The following FRMPD4 variants were observed in gnomAD, a reference collection of about 807,000 sequenced individuals.
FRMPD4 encodes the protein FERM and PDZ domain containing 4.
FRMPD4 carries 22 observed loss-of-function variants against 94.1 expected under a neutral mutation model. The ratio of observed to expected loss-of-function variants is 0.23; its 90% confidence interval spans 0.17 to 0.33. FRMPD4 has a LOEUF of 0.33. Ranked by LOEUF, FRMPD4 falls within the 10% of genes least tolerant of loss-of-function variation. The pLI, the probability that FRMPD4 is intolerant of heterozygous loss-of-function variation, is 1.00. For missense variants in FRMPD4, 1,111 were observed against 1,339.9 expected (o/e 0.83, Z 2.67); for synonymous variants, 631 against 548.6 (o/e 1.15, Z -2.10).
intron 3 of FRMPD4, among the ~76,000 whole-genome samples, chrX:11,933,397 T>C (rs773226862): frequency 1.8e-5 from 2 of 112,680 alleles, no homozygotes; most frequent in East Asian, 5.5e-4. Flanking sequence ...TTTTGGATTA[T>C]AAGCTATGAG....
intron 1 of FRMPD4, among the ~76,000 whole-genome samples, chrX:12,206,806 A>G (rs2056697507): frequency 8.9e-6 from 1 of 112,341 alleles, no homozygotes; most frequent in South Asian, 3.7e-4. Context: ...ATGTTTATGA[A>G]CAACAAATTA....
At chrX:11,967,761 T>TG (rs1159705019) in intron 3 of FRMPD4, among the ~76,000 whole-genome samples, 44 of 102,037 alleles carry the variant, frequency 4.3e-4, no homozygotes, top group South Asian at 3.3e-3. Context: ...TGTGTGTTTT[T>TG]TTTTTTTTTT....
intron 9 of FRMPD4, among the ~76,000 whole-genome samples, chrX:12,698,358 T>C (rs1404635905): frequency 8.9e-6 from 1 of 111,838 alleles, no homozygotes; most frequent in Non-Finnish European, 1.9e-5. Context: ...ACCTGTCCAC[T>C]ATCTGTTAAG....
At chrX:12,167,365 G>C (rs757590889) in intron 1 of FRMPD4, among the ~76,000 whole-genome samples, 4 of 111,936 alleles carry the variant, frequency 3.6e-5, no homozygotes, top group East Asian at 2.8e-4. Context: ...GAGCAGTTTT[G>C]AGTGAGTTTC....
chrX:12,683,647 A>G, intron 6 of FRMPD4, 60 bp downstream of exon 6: 4 of 596,461 alleles, frequency 6.7e-6, no homozygotes, highest in Non-Finnish European at 1.1e-5. Flanking sequence ...GAAGCTTTGC[A>G]CTCAAAACAA....
Position 12,138,996 on chromosome X carries a change from A to G in FRMPD4, c.25A>G (p.Ile9Val). Residue 9 changes from isoleucine (I) to valine (V), a missense_variant, in exon 1 of 17, where the codon ATT becomes GTT. This residue lies in a region of FRMPD4 where 140 missense variants were observed against 165.9 expected (regional missense o/e 0.84). Transcript: ENST00000675598. ...CATGGATGTCTTCAGCTTTGTGAAGATTGCAAAGCTTTCGAGGTAGGGGCT... is the reference window on the plus strand; with the variant it reads ...CATGGATGTCTTCAGCTTTGTGAAGGTTGCAAAGCTTTCGAGGTAGGGGCT... MDVFSFVKIAKLSSHRTKS... is the reference protein window; with the variant it reads MDVFSFVKVAKLSSHRTKS... 2 of 1,168,806 alleles carry G rather than the reference A, an allele frequency of 1.7e-6. No individual in the cohort carries two copies. The highest frequency in any genetic ancestry group is 1.1e-6 in the Non-Finnish European group (1 of 873,296).
intron 1 of FRMPD4, among the ~76,000 whole-genome samples, chrX:12,483,627 G>A (rs535159120): frequency 3.6e-5 from 4 of 111,462 alleles, no homozygotes; most frequent in East Asian, 5.6e-4. Context: ...CTTTTTGTGT[G>A]CATTAGGGGA....
intron 1 of FRMPD4, among the ~76,000 whole-genome samples, chrX:12,262,498 C>A (rs748202383): frequency 9.0e-6 from 1 of 111,699 alleles, no homozygotes; most frequent in African/African-American, 3.3e-5. Flanking sequence ...CACTTAATTT[C>A]TCTGATATTA....
At chrX:12,498,547 G>C in intron 1 of FRMPD4, 133 bp from the exon 2 acceptor site, 1 of 543,947 alleles carries the variant, frequency 1.8e-6, no homozygotes, top group Non-Finnish European at 3.3e-6. Context: ...ATAATGTGTC[G>C]ATTTTTGTTG....
intron 1 of FRMPD4, among the ~76,000 whole-genome samples, chrX:12,169,725 T>C (rs1418416856): frequency 1.8e-5 from 2 of 112,693 alleles, no homozygotes; most frequent in Non-Finnish European, 3.8e-5. Flanking sequence ...AGTTAACTTT[T>C]TGACTAAGGC....
At chrX:11,922,285 C>T (rs1047200458) in intron 3 of FRMPD4, among the ~76,000 whole-genome samples, 2 of 111,456 alleles carry the variant, frequency 1.8e-5, no homozygotes, top group Non-Finnish European at 3.8e-5. Flanking sequence ...GCAGGCATAT[C>T]ACATGGTCAG....
intron 2 of FRMPD4, among the ~76,000 whole-genome samples, chrX:12,543,361 A>G (rs1440821073): frequency 1.8e-5 from 2 of 112,275 alleles, no homozygotes; most frequent in African/African-American, 6.5e-5. Context: ...GCTAATATCC[A>G]GAATCTACAA....
In FRMPD4 at chrX:12,441,518, C is replaced by G. The variant is rs138445076; in HGVS notation, c.42-57162C>G. Among the ~76,000 whole-genome samples the G allele has an allele frequency of 2.6e-4, 29 of 111,788 alleles. No individual in the cohort carries two copies. In the East Asian group the frequency reaches 7.9e-3, roughly 30 times the overall value. Reference sequence around the variant, plus strand: ...TCCTCTAGTATCACACTCACTCCCCCTCATTCCTGTGGGAGACTCCCAGGA... The same window carrying G: ...TCCTCTAGTATCACACTCACTCCCCGTCATTCCTGTGGGAGACTCCCAGGA... On this transcript the variant is annotated intron_variant, in intron 1 of 16. Coordinates refer to ENST00000675598, the MANE Select transcript of FRMPD4 (RefSeq NM_001368397.1).
At chrX:11,993,386 C>A (rs2054476205) in intron 3 of FRMPD4, among the ~76,000 whole-genome samples, 1 of 111,348 alleles carries the variant, frequency 9.0e-6, no homozygotes, top group African/African-American at 3.3e-5. Context: ...GGCTATCCTA[C>A]ACATTGTGTG....
At chrX:11,825,190 TTGTG>T (rs747320680) in intron 1 of FRMPD4, among the ~76,000 whole-genome samples, 9,300 of 80,054 alleles carry the variant, frequency 0.12, 521 homozygotes, top group African/African-American at 0.17. Flanking sequence ...TGTGTCTTCT[TTGTG>T]TGTGTGTGTG....
intron 3 of FRMPD4, among the ~76,000 whole-genome samples, chrX:12,133,014 C>T (rs954763316): frequency 9.2e-6 from 1 of 109,171 alleles, no homozygotes; most frequent in African/African-American, 3.3e-5. Flanking sequence ...TGGGAATGGT[C>T]CAACAGTTTG....
intron 1 of FRMPD4, among the ~76,000 whole-genome samples, chrX:12,141,504 A>G (rs928228292): frequency 2.2e-4 from 25 of 111,881 alleles, no homozygotes; most frequent in African/African-American, 8.1e-4. Context: ...ACATTTAACT[A>G]TTCGTTTCCA....
intron 3 of FRMPD4, among the ~76,000 whole-genome samples, chrX:11,881,813 G>T (rs149149958): frequency 0.014 from 1,516 of 111,981 alleles, 20 homozygotes; most frequent in African/African-American, 0.047. Flanking sequence ...TTAGTTTCTT[G>T]CCCTTAAGGA....
At chrX:12,323,039 G>A (rs1289023829) in intron 1 of FRMPD4, among the ~76,000 whole-genome samples, 1 of 111,784 alleles carries the variant, frequency 8.9e-6, no homozygotes, top group South Asian at 3.8e-4. Flanking sequence ...TGTGTGAAGT[G>A]TATTGCTATG....
Sources: allele counts gnomAD v4.1 joint callset (sites outside exome capture counted in the v4.1 genomes callset), GRCh38; gene constraint gnomAD v4.1.1; regional missense constraint gnomAD v4.1.1; transcripts MANE v1.5; gene names NCBI Gene and HGNC (gene_info 2026-07-23, HGNC 2026-07-21).